The following SATB1 variants were observed in gnomAD, a reference collection of about 807,000 sequenced individuals.
SATB1 encodes SATB homeobox 1.
Under a neutral mutation model 86.9 loss-of-function variants are expected in SATB1, and 11 were observed. The ratio of observed to expected loss-of-function variants is 0.13; its 90% CI spans 0.08 to 0.21. SATB1 has a LOEUF of 0.21. Ranked by LOEUF, SATB1 falls within the 10% of genes least tolerant of loss-of-function variation. The probability of loss-of-function intolerance (pLI) is 1.00; values close to 1 mark genes in which losing one functional copy is unlikely to be tolerated. For missense variants in SATB1, 551 were observed against 937.6 expected, an observed-to-expected ratio of 0.59 and a Z score of 5.39; for synonymous variants, 357 against 357.2, an observed-to-expected ratio of 1.00 and a Z score of 0.01.
At chr3:18,378,060 AC>A (rs769388368) in intron 9 of SATB1, 109 bp downstream of exon 9, 18 of 902,196 alleles carry the variant, frequency 2.0e-5, no homozygotes, top group Non-Finnish European at 2.6e-5. Flanking sequence ...AATCCTAGAC[AC>A]AGAGGCCTCT....
At chr3:18,390,244 G>C (rs542631395) in intron 7 of SATB1, among the ~76,000 whole-genome samples, 12 of 152,076 alleles carry the variant, frequency 7.9e-5, no homozygotes, top group African/African-American at 2.9e-4. Context: ...GATTCAAATA[G>C]ATTTTATCAG....
intron 7 of SATB1, among the ~76,000 whole-genome samples, chr3:18,389,757 A>G (rs899447355): frequency 2.0e-5 from 3 of 152,156 alleles, no homozygotes; most frequent in Non-Finnish European, 4.4e-5. Context: ...GTTGAATTAA[A>G]TTAAACAAAA....
chr3:18,346,002 C>G lies in SATB1; in HGVS notation c.*3168G>C, dbSNP rs1249182131. The G allele has an allele frequency of 1.3e-5, 2 of 152,004 alleles. No homozygotes were observed. The highest frequency in any genetic ancestry group is 2.9e-5 in the Non-Finnish European group (2 of 67,972). 9.4% of individuals were successfully genotyped at this position (152,004 alleles called of 1,614,324 possible). ...ATAAACACAGATATAGATATCGCTACTTTGAAAAAAATCACTTATTTTAAA... is the reference window on the plus strand; with the variant it reads ...ATAAACACAGATATAGATATCGCTAGTTTGAAAAAAATCACTTATTTTAAA... On this transcript the variant is annotated 3_prime_UTR_variant, in exon 11 of 11. Transcript: ENST00000338745.
Position 18,349,775 on chromosome 3 carries a change from A to G in SATB1, c.1780-93T>C. 6.8e-7 allele frequency: 1 copy of G among 1,465,536 alleles called. No individual in the cohort carries two copies. Among genetic ancestry groups the G allele is most frequent in the East Asian group, 2.5e-5 (1 of 40,164 alleles). The allele number at this position is 1,465,536 out of a possible 1,614,324, so 90.8% of individuals were successfully genotyped here. A position where few individuals can be genotyped will look rare whatever the true frequency, so the allele number is the denominator to read the frequency against. ...CAGGAAAAATGTGGTCCCGGATCCTACATATAGCTTCTTTGATAGGGATGA... is the reference window on the plus strand; with the variant it reads ...CAGGAAAAATGTGGTCCCGGATCCTGCATATAGCTTCTTTGATAGGGATGA... On this transcript the variant is annotated intron_variant, in intron 10 of 10. Coordinates refer to ENST00000338745, the MANE Select transcript of SATB1 (RefSeq NM_002971.6). This position sits in a 1 kb window ranked among gnomAD's most constrained non-coding sequence, Gnocchi z 5.5.
intron 2 of SATB1, among the ~76,000 whole-genome samples, chr3:18,430,723 A>G (rs1698862124): frequency 6.6e-6 from 1 of 152,164 alleles, no homozygotes; most frequent in Non-Finnish European, 1.5e-5. Context: ...GGGTTTAAGG[A>G]TTTTTTGGTT....
upstream of SATB1, among the ~76,000 whole-genome samples, chr3:18,429,906 ATATT>A (rs774148584): frequency 1.6e-4 from 25 of 152,300 alleles, no homozygotes; most frequent in Middle Eastern, 6.8e-3. This position sits in a 1 kb window ranked among gnomAD's most constrained non-coding sequence, Gnocchi z 4.1. Context: ...TGTCCTTGTA[ATATT>A]TATATTATAA....
chr3:18,425,611 C>T (rs1698658724), upstream of SATB1, among the ~76,000 whole-genome samples: 1 of 151,428 alleles, frequency 6.6e-6, no homozygotes, highest in Non-Finnish European at 1.5e-5. Flanking sequence ...TTGTAATGAG[C>T]TTGATTAGAG....
chr3:18,427,110 A>T (rs1006932493), upstream of SATB1, among the ~76,000 whole-genome samples: 2 of 152,218 alleles, frequency 1.3e-5, no homozygotes, highest in Non-Finnish European at 2.9e-5. Context: ...ATTTAAGGCA[A>T]ATTTTTAGTA....
At chr3:18,412,341 A>G (rs752981011) in intron 5 of SATB1, among the ~76,000 whole-genome samples, 16 of 152,014 alleles carry the variant, frequency 1.1e-4, no homozygotes, top group Non-Finnish European at 1.9e-4. Context: ...GGGCTTATTC[A>G]ACACCCCAGG....
At chr3:18,397,361 T>C (rs1251018635) in intron 5 of SATB1, 71 bp from the exon 6 acceptor site, 2 of 895,566 alleles carry the variant, frequency 2.2e-6, no homozygotes, top group Non-Finnish European at 3.7e-6. Context: ...ATGATCTCAA[T>C]TGTGGCAACT....
rs753565693 is a variant in SATB1, at chr3:18,349,193, T to C, written c.2269A>G (p.Ile757Val). 3 of 1,614,004 alleles carry C rather than the reference T, an allele frequency of 1.9e-6. No homozygotes were observed. The highest frequency in any genetic ancestry group is 4.5e-5 in the East Asian group (2 of 44,896). Residue 757 changes from isoleucine (I) to valine (V), a missense_variant, in exon 11 of 11, where the codon ATT (isoleucine) becomes GTT (valine). By Grantham distance (29) the Ile-to-Val change is conservative. Coordinates refer to ENST00000338745, the MANE Select transcript of SATB1 (RefSeq NM_002971.6). The surrounding 1 kb of genome is among the most constrained non-coding windows in gnomAD (Gnocchi z 5.5). Reference protein sequence around the residue: ...EELSVEGNTDINTDLKD With the variant: ...EELSVEGNTDVNTDLKD ...TCTCAGTCTTTCAAATCAGTATTAA[T>C]GTCTGTGTTTCCTTCCACTGACAGC...
In SATB1 at chr3:18,444,474, G is replaced by T; in HGVS notation, c.-25+1044C>A. Reference sequence around the variant, plus strand: ...TTGAAGCCCTGCGCCCACGAGAGGGGAGCCCAGCCGCCCCAATAGGGGACG... The same window carrying T: ...TTGAAGCCCTGCGCCCACGAGAGGGTAGCCCAGCCGCCCCAATAGGGGACG... On this transcript the variant is annotated intron_variant, in intron 1 of 3. Transcript: ENST00000415069. The surrounding 1 kb of genome is among the most constrained non-coding windows in gnomAD (Gnocchi z 5.1). 1 of 566,544 alleles carries T rather than the reference G, an allele frequency of 1.8e-6. No individual in the cohort carries two copies. The highest frequency in any genetic ancestry group is 2.2e-6 in the Non-Finnish European group (1 of 447,262). 35.1% of individuals were successfully genotyped at this position (566,544 alleles called of 1,614,324 possible). A position where few individuals can be genotyped will look rare whatever the true frequency, so the allele number is the denominator to read the frequency against.
intron 5 of SATB1, among the ~76,000 whole-genome samples, chr3:18,403,828 C>A (rs1431483456): frequency 6.6e-6 from 1 of 152,020 alleles, no homozygotes; most frequent in Admixed American, 6.6e-5. Context: ...ACTGAACAAT[C>A]TGTCAAACTA....
intron 8 of SATB1, among the ~76,000 whole-genome samples, chr3:18,384,840 G>A (rs755945582): frequency 2.0e-5 from 3 of 152,058 alleles, no homozygotes; most frequent in South Asian, 2.1e-4. Context: ...CTTTGTGTGC[G>A]TGGGCAGGTG....
At chr3:18,371,389 T>C (rs1451897373) in intron 9 of SATB1, among the ~76,000 whole-genome samples, 1 of 152,276 alleles carries the variant, frequency 6.6e-6, no homozygotes, top group Non-Finnish European at 1.5e-5. Context: ...AAAATATAGA[T>C]ATATATATTT....
At chr3:18,409,239 A>G (rs1461354642) in intron 5 of SATB1, 3 of 152,076 alleles carry the variant, frequency 2.0e-5, no homozygotes, top group Non-Finnish European at 2.9e-5. Context: ...TGCTTTATTA[A>G]GTTTGGCTTT....
chr3:18,375,726 A>G (rs1319467592), intron 9 of SATB1, among the ~76,000 whole-genome samples: 1 of 152,128 alleles, frequency 6.6e-6, no homozygotes, highest in African/African-American at 2.4e-5. Context: ...TGATATACAC[A>G]GGTTTTGGAC....
chr3:18,425,540 C>G (rs532069744), upstream of SATB1, among the ~76,000 whole-genome samples: 20 of 150,670 alleles, frequency 1.3e-4, no homozygotes, highest in African/African-American at 4.4e-4. Context: ...AGACAAGTAA[C>G]TAGTGAATGA....
intron 6 of SATB1, 89 bp from the exon 7 acceptor site, chr3:18,395,005 T>C: frequency 3.7e-6 from 4 of 1,075,966 alleles, no homozygotes; most frequent in Non-Finnish European, 5.2e-6. Context: ...TAAAAAAGGG[T>C]AGGCACAGGG....
Sources: gnomAD v4.1 joint callset for allele counts (sites outside exome capture counted in the v4.1 genomes callset) on GRCh38, gnomAD v4.1.1 for gene constraint, Gnocchi (gnomAD v3.1) non-coding constraint, MANE v1.5 for transcripts, NCBI Gene and HGNC (gene_info 2026-07-23, HGNC 2026-07-21) for gene names.